PRDM10: variants seen among roughly 807,000 people sequenced by gnomAD.
The protein encoded by PRDM10 is PR domain zinc finger protein 10.
In PRDM10, 65 loss-of-function variants were observed where a neutral mutation model predicts 133.1. The ratio of observed to expected loss-of-function variants is 0.49; its 90% CI spans 0.40 to 0.60. PRDM10 has a LOEUF of 0.60. Ranked by LOEUF, PRDM10 falls within the 20% of genes least tolerant of loss-of-function variation. The probability of loss-of-function intolerance (pLI) is 0.00; values close to 1 mark genes in which losing one functional copy is unlikely to be tolerated. For missense variants in PRDM10, 1,137 were observed against 1,507.1 expected (o/e 0.75, Z 4.07); for synonymous variants, 582 against 580.4 (o/e 1.00, Z -0.04).
At chr11:129,965,716 G>C (rs1352539221) in intron 1 of PRDM10, among the ~76,000 whole-genome samples, 3 of 151,058 alleles carry the variant, frequency 2.0e-5, no homozygotes, top group Non-Finnish European at 4.4e-5. Flanking sequence ...CACTGTTCTA[G>C]GTCCTTAAGA....
intron 11 of PRDM10, 76 bp from the exon 12 acceptor site, chr11:129,925,305 G>A (rs1950643459): frequency 9.0e-6 from 12 of 1,334,526 alleles, no homozygotes; most frequent in Non-Finnish European, 1.1e-5. Context: ...TACAGAGAAA[G>A]AGAGGATGAT....
chr11:129,910,405 T>A, intron 19 of PRDM10, 71 bp downstream of exon 19: 4 of 1,591,218 alleles, frequency 2.5e-6, no homozygotes, highest in Non-Finnish European at 2.6e-6. Context: ...TATCACAAGC[T>A]GAAGAAATTA....
At chr11:129,955,654 C>T (rs1335463925) in intron 3 of PRDM10, 83 bp from the exon 4 acceptor site, 2 of 1,299,850 alleles carry the variant, frequency 1.5e-6, no homozygotes, top group Admixed American at 1.9e-5. Context: ...CTGCTAAGCA[C>T]CAATTTTTAG....
In PRDM10 at chr11:129,945,030, T is replaced by G. The variant is rs774822937; in HGVS notation, c.521-18A>C. 1 of 1,607,450 alleles carries G rather than the reference T, an allele frequency of 6.2e-7. No homozygotes were observed. The highest frequency in any genetic ancestry group is 1.1e-5 in the South Asian group (1 of 89,930). ...CTCACACCCTGCAAAAGAGAGACAG[T>G]CTTGAAGAAAAGTCCAATTCCTCAG... On this transcript the variant is annotated intron_variant, in intron 5 of 20. Coordinates refer to ENST00000360871, the MANE Select transcript of PRDM10 (RefSeq NM_199437.2). This position sits in a 1 kb window ranked among gnomAD's most constrained non-coding sequence, Gnocchi z 4.2.
intron 1 of PRDM10, among the ~76,000 whole-genome samples, chr11:129,991,986 T>G (rs897036943): frequency 6.6e-6 from 1 of 151,962 alleles, no homozygotes; most frequent in Admixed American, 6.6e-5. Context: ...AAAATAAAAA[T>G]ACAAAAATAA....
chr11:129,949,504 G>T (rs1280820833), intron 4 of PRDM10, among the ~76,000 whole-genome samples: 1 of 152,188 alleles, frequency 6.6e-6, no homozygotes, highest in Admixed American at 6.5e-5. Context: ...AGATTAATTT[G>T]TTGAAATATA....
intron 4 of PRDM10, among the ~76,000 whole-genome samples, chr11:129,952,592 T>C (rs35618147): frequency 0.25 from 37,443 of 152,002 alleles, 7,248 homozygotes; most frequent in East Asian, 0.62. Flanking sequence ...AATCAGCTCA[T>C]GGCAGCCTCA....
chr11:129,975,775 T>G (rs1169925511), intron 1 of PRDM10, among the ~76,000 whole-genome samples: 1 of 152,172 alleles, frequency 6.6e-6, no homozygotes, highest in African/African-American at 2.4e-5. Flanking sequence ...GCCCTCGAAG[T>G]GCTGGGAGCC....
chr11:129,910,559 A>G lies in PRDM10; in HGVS notation c.3080T>C (p.Leu1027Pro), dbSNP rs1309569109. 6.2e-7 allele frequency: 1 copy of G among 1,613,568 alleles called. No individual in the cohort carries two copies. ...QGSSSTQGQA[L>P]QQQQQQQQNS... ...CTGCTGCTGCTGCTGCTGCTGCTGC[A>G]GAGCCTGCCCCTGTGTGGAAGAACT... The change falls in exon 19 of 21, where the codon CTG becomes CCG. Residue 1027 changes from leucine (L) to proline (P), a missense_variant. Leu to Pro is a moderately conservative substitution (Grantham distance 98, BLOSUM62 -3). Around this residue, in one of 6 missense-constraint regions of PRDM10, gnomAD observed 243 missense variants for 259.2 expected, o/e 0.94. Transcript: ENST00000360871.
intron 4 of PRDM10, among the ~76,000 whole-genome samples, chr11:129,950,336 T>C (rs921072222): frequency 6.6e-6 from 1 of 152,166 alleles, no homozygotes; most frequent in Non-Finnish European, 1.5e-5. Flanking sequence ...TTTGAAACAC[T>C]CTGTCTCCAG....
At position 129,902,277 on chromosome 11, in the gene PRDM10, T is replaced by C. The variant is rs1540408; in HGVS notation, c.*36A>G. 234,315 of 1,603,078 alleles carry C rather than the reference T, an allele frequency of 0.15. 18,232 individuals are homozygous for C. Among genetic ancestry groups the C allele is most frequent in the African/African-American group, 0.27 (20,417 of 74,578 alleles). On this transcript the variant is annotated 3_prime_UTR_variant, in exon 21 of 21. Transcript: ENST00000360871. The stretch of plus-strand genomic sequence containing the variant: ...GCTTTCAGACTTATGAGAACAGACA[T>C]GAGGTGGGTGCTGGATTCAAGCTCC...
chr11:129,942,445 T>C lies in PRDM10; in HGVS notation c.947A>G (p.Glu316Gly). 6.2e-7 allele frequency: 1 copy of C among 1,614,076 alleles called. No individual in the cohort carries two copies. The highest frequency in any genetic ancestry group is 8.5e-7 in the Non-Finnish European group (1 of 1,179,982). Residue 316 changes from glutamate (E) to glycine (G), a missense_variant, in exon 7 of 21, where the codon GAG becomes GGG. Around this residue, in one of 6 missense-constraint regions of PRDM10, gnomAD observed 635 missense variants for 835.2 expected, o/e 0.76. Coordinates refer to ENST00000360871, the MANE Select transcript of PRDM10 (RefSeq NM_199437.2). ...HVYYTTIKNV[E>G]PKQELKVWYA... ...CTGTACCTTCAGTTCCTGCTTGGGC[T>C]CCACATTTTTTATGGTTGTATAATA... is the stretch of plus-strand genomic sequence containing the variant.
intron 1 of PRDM10, among the ~76,000 whole-genome samples, chr11:129,971,272 C>G (rs985844681): frequency 6.6e-6 from 1 of 152,176 alleles, no homozygotes; most frequent in African/African-American, 2.4e-5. Flanking sequence ...CCACCGCTAG[C>G]TCGGGCAGCC....
At chr11:129,937,731 T>A in intron 7 of PRDM10, 61 bp from the exon 8 acceptor site, 1 of 1,431,368 alleles carries the variant, frequency 7.0e-7, no homozygotes, top group Non-Finnish European at 9.7e-7. Context: ...TTTGCATGCT[T>A]AAATTATTTC....
intron 1 of PRDM10, among the ~76,000 whole-genome samples, chr11:129,999,634 G>T (rs1025912791): frequency 6.6e-6 from 1 of 152,112 alleles, no homozygotes; most frequent in Non-Finnish European, 1.5e-5. Flanking sequence ...TAATTACGCG[G>T]TTACGAGGTG....
At chr11:129,932,747 G>A (rs1416648788) in intron 9 of PRDM10, among the ~76,000 whole-genome samples, 1 of 151,824 alleles carries the variant, frequency 6.6e-6, no homozygotes, top group Admixed American at 6.6e-5. Context: ...ATTAACTTTT[G>A]CATCCCCTTT....
chr11:129,917,297 C>T (rs960629016), intron 14 of PRDM10, 60 bp from the exon 15 acceptor site: 3 of 1,254,556 alleles, frequency 2.4e-6, no homozygotes, highest in Non-Finnish European at 3.4e-6. Flanking sequence ...ACAGAAGCTA[C>T]ACGAATGCCT....
chr11:129,902,414 G>C lies in PRDM10; in HGVS notation c.3370C>G (p.Leu1124Val). 3 of 1,614,070 alleles carry C rather than the reference G, an allele frequency of 1.9e-6. No homozygotes were observed. The highest frequency in any genetic ancestry group is 2.5e-6 in the Non-Finnish European group (3 of 1,180,014). Residue 1124 changes from leucine to valine, a missense_variant, in exon 21 of 21, where the codon CTG becomes GTG. Physicochemically the swap from Leu to Val is conservative, Grantham distance 32. Transcript: ENST00000360871. ...QVEPPAHSDS[L>V]DPQTNSQQQT... ...TGTTGGCTGTTGGTCTGGGGGTCCA[G>C]GGAGTCACTGTGTGCAGGTGGCTCG... is the stretch of plus-strand genomic sequence containing the variant.
intron 1 of PRDM10, among the ~76,000 whole-genome samples, chr11:129,963,961 T>C (rs1400780448): frequency 6.6e-6 from 1 of 152,240 alleles, no homozygotes; most frequent in Non-Finnish European, 1.5e-5. Flanking sequence ...CTGCTCTTTC[T>C]TGGTCTGCCA....
Sources: gnomAD v4.1 joint callset for allele counts (sites outside exome capture counted in the v4.1 genomes callset) on GRCh38, gnomAD v4.1.1 for gene constraint, gnomAD v4.1.1 regional missense constraint, Gnocchi (gnomAD v3.1) non-coding constraint, MANE v1.5 for transcripts, NCBI Gene and HGNC (gene_info 2026-07-23, HGNC 2026-07-21) for gene names.